CYS1: variants seen among roughly 807,000 people sequenced by gnomAD.
The protein encoded by CYS1 is cystin 1.
Under a neutral mutation model 9.6 loss-of-function variants are expected in CYS1, and 5 were observed. The ratio of observed to expected loss-of-function variants is 0.52; its 90% confidence interval spans 0.27 to 1.10. The LOEUF (loss-of-function observed/expected upper bound fraction) is 1.10, where lower values mean the gene tolerates loss of function less well. Among genes scored for constraint, CYS1 ranks in the 50% least tolerant of loss-of-function variants. CYS1 has a pLI of 0.11. For synonymous variants in CYS1, 88 were observed against 95.7 expected (o/e 0.92, Z 0.47); for missense variants, 221 against 207.9 (o/e 1.06, Z -0.39).
intron 2 of CYS1, among the ~76,000 whole-genome samples, chr2:10,059,336 G>A (rs912147334): frequency 6.6e-6 from 1 of 152,210 alleles, no homozygotes; most frequent in Non-Finnish European, 1.5e-5. Context: ...TTCATGAGTC[G>A]TTCTGAAGCA....
chr2:10,075,372 C>T (rs969961069), intron 1 of CYS1, among the ~76,000 whole-genome samples: 8 of 152,366 alleles, frequency 5.3e-5, no homozygotes, highest in African/African-American at 1.9e-4. Context: ...CTTCCCAACA[C>T]GGTTATGAGC....
chr2:10,063,522 T>C lies in CYS1; in HGVS notation c.371+2382A>G, dbSNP rs1427813751. Among the ~76,000 whole-genome samples the C allele has an allele frequency of 6.6e-6, 1 of 152,214 alleles. No homozygotes were observed. Among genetic ancestry groups the C allele is most frequent in the Non-Finnish European group, 1.5e-5 (1 of 68,038 alleles). On this transcript the variant is annotated intron_variant, in intron 2 of 2. Transcript: ENST00000381813. This position sits in a 1 kb window ranked among gnomAD's most constrained non-coding sequence, Gnocchi z 4.2. The stretch of plus-strand genomic sequence containing the variant: ...TATCACGTACTTATTTACTTCTTCA[T>C]CTGATTTTCTGATGCATCCCAGAGT...
At chr2:10,067,981 T>C (rs533298096) in intron 1 of CYS1, among the ~76,000 whole-genome samples, 1 of 152,366 alleles carries the variant, frequency 6.6e-6, no homozygotes, top group South Asian at 2.1e-4. Flanking sequence ...ACATCATGAC[T>C]GAATATGATA....
chr2:10,065,962 G>A lies in CYS1; in HGVS notation c.319-6C>T. The A allele has an allele frequency of 6.2e-7, 1 of 1,614,194 alleles. No individual in the cohort carries two copies. The highest frequency in any genetic ancestry group is 8.5e-7 in the Non-Finnish European group (1 of 1,180,028). ...GTGCTCTGCTCTGCGCACACCTTGA[G>A]AAAGATGAAATGAAGAGACATTCAA... is the stretch of plus-strand genomic sequence containing the variant. On this transcript the variant is annotated splice_polypyrimidine_tract_variant and splice_region_variant and intron_variant, in intron 1 of 2. Coordinates refer to ENST00000381813, the MANE Select transcript of CYS1 (RefSeq NM_001037160.3).
At chr2:10,067,359 A>T (rs532292908) in intron 1 of CYS1, among the ~76,000 whole-genome samples, 167 of 150,694 alleles carry the variant, frequency 1.1e-3, no homozygotes, top group Non-Finnish European at 1.7e-3. Context: ...TACTTGCTTG[A>T]TGCTTCAGAA....
chr2:10,078,373 C>T (rs772736263), intron 1 of CYS1, among the ~76,000 whole-genome samples: 1 of 152,212 alleles, frequency 6.6e-6, no homozygotes, highest in Non-Finnish European at 1.5e-5. Context: ...CACAAACTGT[C>T]ACAATCCTTA....
intron 1 of CYS1, among the ~76,000 whole-genome samples, chr2:10,075,958 A>T (rs905907567): frequency 1.3e-5 from 2 of 152,152 alleles, no homozygotes; most frequent in Non-Finnish European, 2.9e-5. Context: ...AGGCCAAGGC[A>T]GGGGGACCAC....
intron 2 of CYS1, among the ~76,000 whole-genome samples, chr2:10,060,340 T>C (rs769458769): frequency 1.8e-4 from 28 of 152,256 alleles, no homozygotes; most frequent in Non-Finnish European, 3.1e-4. Flanking sequence ...TGGACTTAAA[T>C]GTCCCTCTGA....
chr2:10,066,546 G>A (rs573220334), intron 1 of CYS1, among the ~76,000 whole-genome samples: 4 of 152,370 alleles, frequency 2.6e-5, no homozygotes, highest in African/African-American at 7.2e-5. Context: ...TCTATGGTCC[G>A]ACAGTCCACT....
chr2:10,080,278 C>A lies in CYS1; in HGVS notation c.-55G>T. 1.0e-6 allele frequency: 1 copy of A among 998,026 alleles called. No homozygotes were observed. The allele number at this position is 998,026 out of a possible 1,614,324, so 61.8% of individuals were successfully genotyped here. A position where few individuals can be genotyped will look rare whatever the true frequency, so the allele number is the denominator to read the frequency against. On this transcript the variant is annotated 5_prime_UTR_variant, in exon 1 of 3. Coordinates refer to ENST00000381813, the MANE Select transcript of CYS1 (RefSeq NM_001037160.3). This position sits in a 1 kb window ranked among gnomAD's most constrained non-coding sequence, Gnocchi z 6.4. The stretch of plus-strand genomic sequence containing the variant: ...GGGGGCCCCCATGAGGGGGCGCGGC[C>A]GGGGGCGGGGACGCTAGGGGGTGCG...
chr2:10,075,310 T>C lies in CYS1; in HGVS notation c.318+4596A>G, dbSNP rs578229209. The stretch of plus-strand genomic sequence containing the variant: ...CCACGTGTGCAGACGCACTGGAGCA[T>C]GCCTTTACAACATGCTTCCACGGGA... On this transcript the variant is annotated intron_variant, in intron 1 of 2. Coordinates refer to ENST00000381813, the MANE Select transcript of CYS1 (RefSeq NM_001037160.3). 3.9e-5 allele frequency among the ~76,000 whole-genome samples: 6 copies of C among 152,362 alleles called. No homozygotes were observed. The East Asian group carries it at 1.2e-3, about 29-fold the overall frequency.
intron 1 of CYS1, among the ~76,000 whole-genome samples, chr2:10,066,295 G>A (rs1661693924): frequency 6.6e-6 from 1 of 151,220 alleles, no homozygotes; most frequent in Admixed American, 6.6e-5. Flanking sequence ...GGCACCCCGT[G>A]TGTCACCTCC....
At chr2:10,060,188 T>C (rs4669525) in intron 2 of CYS1, among the ~76,000 whole-genome samples, 124,461 of 152,236 alleles carry the variant, frequency 0.82, 51,026 homozygotes, top group Middle Eastern at 0.88. Context: ...AGGTGTTGGA[T>C]GCTGCCCTCC....
In CYS1 at chr2:10,063,806, TGG is replaced by T. The variant is rs1371900795; in HGVS notation, c.371+2096_371+2097del. Among the ~76,000 whole-genome samples, 13 of 152,162 alleles carry T rather than the reference TGG, an allele frequency of 8.5e-5. No individual in the cohort carries two copies. The highest frequency in any genetic ancestry group is 3.1e-4 in the African/African-American group (13 of 41,426). On this transcript the variant is annotated intron_variant, in intron 2 of 2. Transcript: ENST00000381813. The surrounding 1 kb of genome is among the most constrained non-coding windows in gnomAD (Gnocchi z 4.2). ...GGGCAGATGCTGCCAGCCCTGACCC[TGG>T]GGCAGGACTGCTGGGACCTGGGGCT... is the stretch of plus-strand genomic sequence containing the variant.
intron 1 of CYS1, among the ~76,000 whole-genome samples, chr2:10,079,627 C>G (rs1450880959): frequency 2.0e-5 from 3 of 151,780 alleles, no homozygotes; most frequent in African/African-American, 7.3e-5. Context: ...GGCCGCGGGC[C>G]CGAGGGGAGC....
At position 10,080,297 on chromosome 2, in the gene CYS1, G is replaced by T; in HGVS notation, c.-74C>A. 1.1e-6 allele frequency: 1 copy of T among 934,870 alleles called. No homozygotes were observed. The highest frequency in any genetic ancestry group is 1.8e-5 in the African/African-American group (1 of 55,920). 57.9% of individuals were successfully genotyped at this position (934,870 alleles called of 1,614,324 possible). On this transcript the variant is annotated 5_prime_UTR_variant, in exon 1 of 3. Coordinates refer to ENST00000381813, the MANE Select transcript of CYS1 (RefSeq NM_001037160.3). This position sits in a 1 kb window ranked among gnomAD's most constrained non-coding sequence, Gnocchi z 6.4. ...CGCGGCCGGGGGCGGGGACGCTAGG[G>T]GGTGCGGCCGGGGCGGGCTGCAGGG...
chr2:10,064,145 C>T (rs1661664197), intron 2 of CYS1, among the ~76,000 whole-genome samples: 1 of 152,110 alleles, frequency 6.6e-6, no homozygotes, highest in Non-Finnish European at 1.5e-5. Context: ...ATTGCTTGAA[C>T]CCGGGTGGTG....
intron 1 of CYS1, among the ~76,000 whole-genome samples, chr2:10,069,138 T>G (rs1661732348): frequency 6.6e-6 from 1 of 152,110 alleles, no homozygotes; most frequent in South Asian, 2.1e-4. Flanking sequence ...ACAGGCCACC[T>G]ACAAAAAGCC....
Position 10,080,287 on chromosome 2 carries a change from G to T in CYS1, c.-64C>A. The T allele has an allele frequency of 1.0e-6, 1 of 976,422 alleles. No individual in the cohort carries two copies. Among genetic ancestry groups the T allele is most frequent in the Non-Finnish European group, 1.2e-6 (1 of 815,938 alleles). The allele number at this position is 976,422 out of a possible 1,614,324, so 60.5% of individuals were successfully genotyped here. A position where few individuals can be genotyped will look rare whatever the true frequency, so the allele number is the denominator to read the frequency against. On this transcript the variant is annotated 5_prime_UTR_variant, in exon 1 of 3. Transcript: ENST00000381813. This position sits in a 1 kb window ranked among gnomAD's most constrained non-coding sequence, Gnocchi z 6.4. ...CATGAGGGGGCGCGGCCGGGGGCGG[G>T]GACGCTAGGGGGTGCGGCCGGGGCG...
Sources: gnomAD v4.1 joint callset for allele counts (sites outside exome capture counted in the v4.1 genomes callset) on GRCh38, gnomAD v4.1.1 for gene constraint, Gnocchi (gnomAD v3.1) non-coding constraint, MANE v1.5 for transcripts, NCBI Gene and HGNC (gene_info 2026-07-23, HGNC 2026-07-21) for gene names.